The following XKR9 variants were observed in gnomAD, a reference collection of about 807,000 sequenced individuals.
The protein encoded by XKR9 is XK-related protein 9.
In XKR9, 32 loss-of-function variants were observed where a neutral mutation model predicts 32.0. That is an observed-to-expected ratio of 1.00 (90% CI 0.76 to 1.34). The LOEUF is 1.34. XKR9 is among the 40% of genes most tolerant of loss of function. The probability of loss-of-function intolerance (pLI) is 0.00; values close to 1 mark genes in which losing one functional copy is unlikely to be tolerated. For missense variants in XKR9, 546 were observed against 429.7 expected, an observed-to-expected ratio of 1.27 and a Z score of -2.39; for synonymous variants, 168 against 143.4, an observed-to-expected ratio of 1.17 and a Z score of -1.22.
intron 2 of XKR9, among the ~76,000 whole-genome samples, chr8:70,677,233 C>A (rs1303712312): frequency 1.4e-5 from 2 of 146,162 alleles, no homozygotes; most frequent in South Asian, 2.1e-4. Context: ...GCAACCCCCA[C>A]TTCCTGGGCT....
At chr8:70,714,717 G>C (rs28367135) in intron 4 of XKR9, among the ~76,000 whole-genome samples, 1 of 151,832 alleles carries the variant, frequency 6.6e-6, no homozygotes, top group Non-Finnish European at 1.5e-5. Context: ...ATTTTAACTC[G>C]CGTTTGAATT....
At chr8:71,027,315 AC>A in the XKR9 span, among the ~76,000 whole-genome samples, 1 of 150,178 alleles carries the variant, frequency 6.7e-6, no homozygotes, top group Non-Finnish European at 1.5e-5. Flanking sequence ...TTAATACTTT[AC>A]TTTTCCAAAG....
the XKR9 span, among the ~76,000 whole-genome samples, chr8:70,972,675 G>T: frequency 6.6e-6 from 1 of 152,106 alleles, no homozygotes; most frequent in East Asian, 1.9e-4. Flanking sequence ...AATCATAAAG[G>T]ATGGTGGATT....
intron 2 of XKR9, among the ~76,000 whole-genome samples, chr8:70,742,845 T>G (rs1807007427): frequency 6.6e-6 from 1 of 152,146 alleles, no homozygotes; most frequent in Admixed American, 6.5e-5. Flanking sequence ...CTTTAGCTGT[T>G]GGTTTGCAGT....
At chr8:70,829,442 A>G in the XKR9 span, among the ~76,000 whole-genome samples, 1 of 152,016 alleles carries the variant, frequency 6.6e-6, no homozygotes, top group African/African-American at 2.4e-5. Context: ...GACATGTATT[A>G]TTTAACTGGT....
At chr8:70,682,796 A>G (rs1308660042) in intron 3 of XKR9, among the ~76,000 whole-genome samples, 1 of 152,188 alleles carries the variant, frequency 6.6e-6, no homozygotes, top group Non-Finnish European at 1.5e-5. Flanking sequence ...TTTAGCCTCT[A>G]TGGTGTAGTT....
At chr8:70,982,770 C>T in the XKR9 span, among the ~76,000 whole-genome samples, 1 of 152,172 alleles carries the variant, frequency 6.6e-6, no homozygotes, top group Non-Finnish European at 1.5e-5. Flanking sequence ...ATGTGAGTCT[C>T]CACACACTGC....
chr8:70,903,310 A>T, the XKR9 span, among the ~76,000 whole-genome samples: 1 of 152,118 alleles, frequency 6.6e-6, no homozygotes, highest in Non-Finnish European at 1.5e-5. Flanking sequence ...TATTGCCTCA[A>T]TTTCAGAGCC....
chr8:70,684,398 T>A, intron 3 of XKR9, among the ~76,000 whole-genome samples: 1 of 152,152 alleles, frequency 6.6e-6, no homozygotes, highest in Non-Finnish European at 1.5e-5. Flanking sequence ...TAATCCAGAT[T>A]CCTCCCTCTC....
At chr8:70,751,695 C>T (rs951028263) in intron 2 of XKR9, among the ~76,000 whole-genome samples, 2 of 152,112 alleles carry the variant, frequency 1.3e-5, no homozygotes, top group South Asian at 4.1e-4. Flanking sequence ...CCTTGGACAC[C>T]AGAACTTCAA....
the XKR9 span, among the ~76,000 whole-genome samples, chr8:70,799,563 C>T: frequency 6.6e-6 from 1 of 152,090 alleles, no homozygotes; most frequent in Non-Finnish European, 1.5e-5. Flanking sequence ...AACTCCTGAG[C>T]TCAGGAGATC....
intron 2 of XKR9, among the ~76,000 whole-genome samples, chr8:70,776,977 C>CT (rs1365565912): frequency 1.4e-5 from 1 of 69,806 alleles, no homozygotes; most frequent in Non-Finnish European, 2.9e-5. Context: ...ATGTATTATA[C>CT]TTTAAGTTCT....
chr8:70,736,528 A>G (rs1402762897), downstream of XKR9, among the ~76,000 whole-genome samples: 3 of 152,198 alleles, frequency 2.0e-5, no homozygotes, highest in Admixed American at 6.5e-5. Flanking sequence ...TGTTTTAGAC[A>G]TGAATTCTGT....
intron 2 of XKR9, among the ~76,000 whole-genome samples, chr8:70,778,384 G>A (rs1346507386): frequency 6.6e-6 from 1 of 152,190 alleles, no homozygotes; most frequent in East Asian, 1.9e-4. Context: ...GTAGCCTGAT[G>A]CCTCCAGCTT....
chr8:70,692,058 A>G (rs2132135138), intron 3 of XKR9, among the ~76,000 whole-genome samples: 1 of 151,718 alleles, frequency 6.6e-6, no homozygotes, highest in African/African-American at 2.4e-5. Context: ...GATTTTTTTC[A>G]TTTGCTTGTG....
chr8:70,741,718 G>A (rs541946957), intron 2 of XKR9, among the ~76,000 whole-genome samples: 6 of 152,230 alleles, frequency 3.9e-5, no homozygotes, highest in Non-Finnish European at 8.8e-5. Context: ...AGTGAACATG[G>A]GTTTACAAAT....
At chr8:70,849,068 C>T in the XKR9 span, among the ~76,000 whole-genome samples, 2 of 152,104 alleles carry the variant, frequency 1.3e-5, no homozygotes. Flanking sequence ...ATATTCAGGA[C>T]CTGAACTCAG....
the XKR9 span, among the ~76,000 whole-genome samples, chr8:70,911,870 A>AATGACCAC: frequency 6.6e-6 from 1 of 152,152 alleles, no homozygotes; most frequent in African/African-American, 2.4e-5. Context: ...ATAGGATGAC[A>AATGACCAC]ATGACCACAC....
chr8:70,790,135 C>A (rs1057162315), exon 4 of XKR9: 2 of 148,320 alleles, frequency 1.3e-5, no homozygotes, highest in South Asian at 2.1e-4. Flanking sequence ...TTGATTACTT[C>A]GGCTGTTTCT....
Sources: gnomAD v4.1 joint callset for allele counts (sites outside exome capture counted in the v4.1 genomes callset) on GRCh38, gnomAD v4.1.1 for gene constraint, MANE v1.5 for transcripts, NCBI Gene and HGNC (gene_info 2026-07-23, HGNC 2026-07-21) for gene names.